DPP10: variants seen among roughly 807,000 people sequenced by gnomAD.
DPP10 encodes the protein inactive dipeptidyl peptidase 10.
In DPP10, 33 loss-of-function variants were observed where a neutral mutation model predicts 120.9. The ratio of observed to expected loss-of-function variants is 0.27; its 90% CI spans 0.21 to 0.37. The LOEUF (loss-of-function observed/expected upper bound fraction) is 0.37, where lower values mean the gene tolerates loss of function less well. Among genes scored for constraint, DPP10 ranks in the 10% least tolerant of loss-of-function variants. The pLI is 1.00. For missense variants in DPP10, 816 were observed against 942.8 expected (o/e 0.87, Z 1.76); for synonymous variants, 337 against 326.1 (o/e 1.03, Z -0.36).
chr2:114,483,264 C>T (rs776132193), intron 1 of DPP10, among the ~76,000 whole-genome samples: 8 of 151,352 alleles, frequency 5.3e-5, no homozygotes, highest in African/African-American at 1.5e-4. Flanking sequence ...AACTTGGCAA[C>T]GGGGTGGAAG....
chr2:114,488,800 C>T (rs1681736864), intron 1 of DPP10, among the ~76,000 whole-genome samples: 1 of 152,148 alleles, frequency 6.6e-6, no homozygotes, highest in African/African-American at 2.4e-5. Context: ...AAGTCCAGTC[C>T]CAGCCCTGGC....
At chr2:115,211,357 A>T (rs2056499896) in intron 1 of DPP10, among the ~76,000 whole-genome samples, 1 of 152,060 alleles carries the variant, frequency 6.6e-6, no homozygotes, top group African/African-American at 2.4e-5. Context: ...GAAGTCTGTG[A>T]GACAAAACAT....
intron 1 of DPP10, among the ~76,000 whole-genome samples, chr2:114,675,469 G>A (rs1027857727): frequency 1.3e-5 from 2 of 152,118 alleles, no homozygotes; most frequent in South Asian, 2.1e-4. Flanking sequence ...TAATAAACAC[G>A]TGGGTAAAAA....
chr2:115,436,248 C>A (rs2071479434), intron 3 of DPP10, among the ~76,000 whole-genome samples: 1 of 151,670 alleles, frequency 6.6e-6, no homozygotes, highest in Non-Finnish European at 1.5e-5. Context: ...GAACATATAC[C>A]ATGTTCTTAC....
At chr2:115,337,076 C>T (rs556489907) in intron 2 of DPP10, among the ~76,000 whole-genome samples, 56 of 151,328 alleles carry the variant, frequency 3.7e-4, no homozygotes, top group South Asian at 1.0e-3. Context: ...TATAAATTGC[C>T]TGTAACAATG....
chr2:114,584,398 A>T (rs1470719497), intron 1 of DPP10, among the ~76,000 whole-genome samples: 1 of 152,010 alleles, frequency 6.6e-6, no homozygotes, highest in African/African-American at 2.4e-5. Flanking sequence ...TTGTTTATTT[A>T]TTTATTATTA....
At chr2:115,823,650 GC>G in intron 21 of DPP10, among the ~76,000 whole-genome samples, 1 of 152,102 alleles carries the variant, frequency 6.6e-6, no homozygotes, top group Non-Finnish European at 1.5e-5. Flanking sequence ...TTGGGGTTGT[GC>G]CTTTTTCTAA....
At chr2:114,628,172 C>G (rs890086701) in intron 1 of DPP10, among the ~76,000 whole-genome samples, 1 of 151,854 alleles carries the variant, frequency 6.6e-6, no homozygotes, top group African/African-American at 2.4e-5. Context: ...TTATACTGGG[C>G]CTTGAATTAG....
intron 1 of DPP10, among the ~76,000 whole-genome samples, chr2:114,648,455 G>C (rs1696307085): frequency 6.6e-6 from 1 of 152,032 alleles, no homozygotes; most frequent in Non-Finnish European, 1.5e-5. Context: ...TTTCTCCCTT[G>C]CTTAAGTGGC....
chr2:115,040,257 A>G (rs1025013849), intron 1 of DPP10, among the ~76,000 whole-genome samples: 4 of 151,756 alleles, frequency 2.6e-5, no homozygotes, highest in Admixed American at 6.6e-5. Context: ...GAAAACCAAA[A>G]AAGAGTAGGA....
At chr2:114,586,239 A>G (rs998641536) in intron 1 of DPP10, among the ~76,000 whole-genome samples, 1 of 152,166 alleles carries the variant, frequency 6.6e-6, no homozygotes, top group Admixed American at 6.5e-5. Context: ...TAACAGAGAA[A>G]GACCCTGTCT....
chr2:115,697,398 T>A (rs1047418126), intron 7 of DPP10, among the ~76,000 whole-genome samples: 1 of 151,916 alleles, frequency 6.6e-6, no homozygotes, highest in Admixed American at 6.6e-5. Flanking sequence ...AGATATTTCA[T>A]GCAAACAGTA....
chr2:114,585,720 G>C (rs1404840155), intron 1 of DPP10, among the ~76,000 whole-genome samples: 1 of 152,114 alleles, frequency 6.6e-6, no homozygotes, highest in Non-Finnish European at 1.5e-5. Flanking sequence ...GCTACACAGT[G>C]TCCCATTAGA....
intron 1 of DPP10, among the ~76,000 whole-genome samples, chr2:114,604,834 A>C (rs948767458): frequency 1.9e-4 from 29 of 152,006 alleles, no homozygotes; most frequent in African/African-American, 6.5e-4. Flanking sequence ...CTCTTTCTTT[A>C]ATCTTTGTTT....
intron 1 of DPP10, among the ~76,000 whole-genome samples, chr2:114,897,768 T>C (rs540214781): frequency 1.1e-4 from 16 of 152,268 alleles, no homozygotes; most frequent in African/African-American, 2.4e-4. Context: ...CACTGGCCAT[T>C]AGAGAAATGC....
chr2:114,485,433 C>T (rs1008057106), intron 1 of DPP10, among the ~76,000 whole-genome samples: 2 of 150,994 alleles, frequency 1.3e-5, no homozygotes, highest in Non-Finnish European at 2.9e-5. Context: ...ACTCAGGGAG[C>T]CTGAAATCTC....
chr2:114,618,170 C>T (rs1261318999), intron 1 of DPP10, among the ~76,000 whole-genome samples: 1 of 152,052 alleles, frequency 6.6e-6, no homozygotes. Context: ...AGGTGTCCAT[C>T]ATGTTAATAT....
chr2:115,630,703 C>T (rs1428838966), intron 5 of DPP10, among the ~76,000 whole-genome samples: 3 of 152,118 alleles, frequency 2.0e-5, no homozygotes, highest in African/African-American at 7.2e-5. Context: ...TGATGAATTA[C>T]ATTTATTGAT....
At chr2:115,544,727 T>A (rs2079393686) in intron 5 of DPP10, among the ~76,000 whole-genome samples, 1 of 152,034 alleles carries the variant, frequency 6.6e-6, no homozygotes, top group Non-Finnish European at 1.5e-5. Context: ...ACATAACATA[T>A]GGCATTCAAG....
Sources: allele counts gnomAD v4.1 joint callset (sites outside exome capture counted in the v4.1 genomes callset), GRCh38; gene constraint gnomAD v4.1.1; transcripts MANE v1.5; gene names NCBI Gene and HGNC (gene_info 2026-07-23, HGNC 2026-07-21).